CCDC192: variants seen among roughly 807,000 people sequenced by gnomAD.
The protein encoded by CCDC192 is coiled-coil domain containing 192.
chr5:127,908,247 A>G (rs1383466005), intron 6 of CCDC192, among the ~76,000 whole-genome samples: 1 of 152,192 alleles, frequency 6.6e-6, no homozygotes, highest in Non-Finnish European at 1.5e-5. Context: ...CTCAAAACAT[A>G]CTAATAATCC....
chr5:127,803,641 G>A (rs554458067), intron 5 of CCDC192, among the ~76,000 whole-genome samples: 41 of 152,160 alleles, frequency 2.7e-4, no homozygotes, highest in African/African-American at 9.9e-4. Context: ...TCACTCCTTC[G>A]TGGATGACCT....
At chr5:127,876,067 T>C (rs1375661912) in intron 6 of CCDC192, among the ~76,000 whole-genome samples, 1 of 142,286 alleles carries the variant, frequency 7.0e-6, no homozygotes, top group Admixed American at 7.1e-5. Flanking sequence ...AACAGAATTT[T>C]TTTTTTTTTT....
chr5:127,841,417 G>A (rs1032995672), intron 5 of CCDC192, among the ~76,000 whole-genome samples: 4 of 152,124 alleles, frequency 2.6e-5, no homozygotes, highest in African/African-American at 7.2e-5. Context: ...ATTTTGTGTG[G>A]GTGTTGATTT....
At chr5:127,744,057 G>C (rs1049138209) in intron 2 of CCDC192, among the ~76,000 whole-genome samples, 4 of 140,836 alleles carry the variant, frequency 2.8e-5, no homozygotes, top group East Asian at 4.1e-4. Flanking sequence ...TTGCGCCACT[G>C]CACTCCAGCC....
chr5:127,876,097 A>G (rs1418312233), intron 6 of CCDC192, among the ~76,000 whole-genome samples: 1 of 147,306 alleles, frequency 6.8e-6, no homozygotes, highest in East Asian at 2.0e-4. Flanking sequence ...CCAATAGGCA[A>G]ATGAACCAGA....
intron 6 of CCDC192, among the ~76,000 whole-genome samples, chr5:127,906,520 T>G (rs903207201): frequency 2.0e-5 from 3 of 152,150 alleles, no homozygotes; most frequent in African/African-American, 7.2e-5. Context: ...GTGCAGTGGC[T>G]CACACCTGTA....
intron 6 of CCDC192, among the ~76,000 whole-genome samples, chr5:127,883,888 T>C (rs1752453422): frequency 6.6e-6 from 1 of 152,148 alleles, no homozygotes; most frequent in Admixed American, 6.5e-5. Context: ...TATGAGCCGC[T>C]CAGGCTGGTA....
chr5:127,825,436 C>G (rs1749483526), intron 5 of CCDC192, among the ~76,000 whole-genome samples: 1 of 152,160 alleles, frequency 6.6e-6, no homozygotes, highest in Non-Finnish European at 1.5e-5. Context: ...AGACTGGAAC[C>G]TCTCAGCAGC....
chr5:127,897,741 G>A (rs576120982), intron 6 of CCDC192, among the ~76,000 whole-genome samples: 3 of 152,028 alleles, frequency 2.0e-5, no homozygotes, highest in Non-Finnish European at 4.4e-5. Context: ...ATTAGAATAG[G>A]TGTTCTAGTT....
intron 6 of CCDC192, among the ~76,000 whole-genome samples, chr5:127,884,251 A>G (rs1035518810): frequency 1.3e-5 from 2 of 150,020 alleles, no homozygotes; most frequent in Non-Finnish European, 3.0e-5. Context: ...GCTGAGGCAG[A>G]AGAATGGCGT....
At chr5:127,915,708 A>G (rs150929750) in intron 6 of CCDC192, among the ~76,000 whole-genome samples, 179 of 151,416 alleles carry the variant, frequency 1.2e-3, no homozygotes, top group African/African-American at 3.9e-3. Context: ...TTAAAACATC[A>G]TGAGATTTCT....
Position 127,825,164 on chromosome 5 carries a change from A to C in CCDC192, c.411+27002A>C, listed in dbSNP as rs959900482. On this transcript the variant is annotated intron_variant, in intron 5 of 6. Coordinates refer to ENST00000514853, the MANE Select transcript of CCDC192 (RefSeq NM_001317938.2). ...AATCACTTAGAAAAGGTTTGAGAAT[A>C]GCATTTACTTATTTTCTAATCTATT... Among the ~76,000 whole-genome samples the C allele has an allele frequency of 6.6e-5, 10 of 152,246 alleles. No homozygotes were observed. In the East Asian group the frequency reaches 9.6e-4, roughly 15 times the overall value.
intron 6 of CCDC192, among the ~76,000 whole-genome samples, chr5:127,924,937 G>GA (rs1320751565): frequency 1.3e-5 from 2 of 148,510 alleles, no homozygotes; most frequent in Non-Finnish European, 2.9e-5. Context: ...GGAAGCTATG[G>GA]AAAAAAAATC....
intron 6 of CCDC192, among the ~76,000 whole-genome samples, chr5:127,913,660 G>T (rs1254434229): frequency 1.3e-5 from 2 of 152,228 alleles, no homozygotes; most frequent in Non-Finnish European, 2.9e-5. Flanking sequence ...AGCCTTAGAA[G>T]AATTTTCTCC....
intron 3 of CCDC192, among the ~76,000 whole-genome samples, chr5:127,768,716 A>AT (rs1437114086): frequency 6.6e-6 from 1 of 152,262 alleles, no homozygotes; most frequent in Admixed American, 6.5e-5. Flanking sequence ...GCCAAAACGT[A>AT]TTAATAAACA....
intron 2 of CCDC192, among the ~76,000 whole-genome samples, chr5:127,712,368 T>C (rs558105602): frequency 6.6e-6 from 1 of 152,256 alleles, no homozygotes; most frequent in African/African-American, 2.4e-5. Context: ...TAGATTAACA[T>C]CCTCCCTTGG....
chr5:127,937,456 G>A (rs1361558312), intron 6 of CCDC192, among the ~76,000 whole-genome samples: 2 of 152,166 alleles, frequency 1.3e-5, no homozygotes, highest in Non-Finnish European at 2.9e-5. Flanking sequence ...CTTATAAGAA[G>A]AGATATGAGA....
At chr5:127,756,274 G>A (rs533331149) in intron 3 of CCDC192, among the ~76,000 whole-genome samples, 32 of 152,198 alleles carry the variant, frequency 2.1e-4, no homozygotes, top group Admixed American at 8.5e-4. Flanking sequence ...GAATTACAAC[G>A]GAGAAAGAGT....
chr5:127,714,964 AT>A (rs1404528606), intron 2 of CCDC192, among the ~76,000 whole-genome samples: 1 of 83,944 alleles, frequency 1.2e-5, no homozygotes, highest in Non-Finnish European at 2.3e-5. Context: ...TTATAATGAA[AT>A]TATTAGGTTT....
Sources: allele counts gnomAD v4.1 joint callset (sites outside exome capture counted in the v4.1 genomes callset), GRCh38; gene constraint gnomAD v4.1.1; transcripts MANE v1.5; gene names NCBI Gene and HGNC (gene_info 2026-07-23, HGNC 2026-07-21).